IQCE: variants seen among roughly 807,000 people sequenced by gnomAD.
IQCE encodes the protein IQ domain-containing protein E.
In IQCE, 115 loss-of-function variants were observed where a neutral mutation model predicts 96.0. That is an observed-to-expected ratio of 1.20 (90% CI 1.03 to 1.40). IQCE has a LOEUF of 1.40. Among genes scored for constraint, IQCE ranks in the 40% most tolerant of loss-of-function variants. The pLI, the probability that IQCE is intolerant of heterozygous loss-of-function variation, is 0.00. For missense variants in IQCE, 1,041 were observed against 909.1 expected (o/e 1.15, Z -1.87); for synonymous variants, 412 against 371.2 (o/e 1.11, Z -1.26).
At chr7:2,574,439 GAGA>G (rs1781975032) in intron 6 of IQCE, among the ~76,000 whole-genome samples, 1 of 152,246 alleles carries the variant, frequency 6.6e-6, no homozygotes, top group African/African-American at 2.4e-5. Flanking sequence ...GAGGCTGTGT[GAGA>G]AGAACGCTCT....
intron 14 of IQCE, among the ~76,000 whole-genome samples, chr7:2,592,502 C>G (rs1439265017): frequency 6.6e-6 from 1 of 152,160 alleles, no homozygotes; most frequent in Admixed American, 6.5e-5. Context: ...CCTGAGCAGT[C>G]GGGGCTCGCA....
chr7:2,595,076 A>T (rs982680205), intron 16 of IQCE, 100 bp downstream of exon 16: 2 of 801,224 alleles, frequency 2.5e-6, no homozygotes, highest in Admixed American at 1.8e-5. Context: ...CTGACCAGCC[A>T]CTGAAAATCC....
Position 2,587,856 on chromosome 7 carries a change from G to T in IQCE, c.1023G>T (p.Arg341Ser), listed in dbSNP as rs930684084. The change falls in exon 13 of 22, where the codon AGG (arginine) becomes AGT (serine). Residue 341 changes from arginine to serine, a missense_variant. By Grantham distance (110) the Arg-to-Ser change is moderately radical. Transcript: ENST00000402050. ...YVEWSKPRLL[R>S]RIVELEKKLS... ...AGTGGAGCAAGCCCCGGCTGCTGAG[G>T]CGCATTGTGGAGCTGGAGAAGGTGA... 6.2e-7 allele frequency: 1 copy of T among 1,614,110 alleles called. No individual in the cohort carries two copies. Among genetic ancestry groups the T allele is most frequent in the Admixed American group, 1.7e-5 (1 of 60,028 alleles).
At chr7:2,578,570 G>A in intron 8 of IQCE, 44 bp downstream of exon 8, 2 of 1,605,094 alleles carry the variant, frequency 1.2e-6, no homozygotes, top group Middle Eastern at 3.3e-4. Context: ...CCAGACGCTA[G>A]TTACTGGGGA....
chr7:2,586,561 CAG>C (rs1256888562), intron 12 of IQCE, among the ~76,000 whole-genome samples, 190 bp downstream of exon 12: 2 of 152,348 alleles, frequency 1.3e-5, no homozygotes, highest in East Asian at 1.9e-4. Context: ...GAGCCGCAAA[CAG>C]AAGCTCACAG....
At position 2,559,113 on chromosome 7, in the gene IQCE, G is replaced by C; in HGVS notation, c.-69G>C. 1 of 1,055,370 alleles carries C rather than the reference G, an allele frequency of 9.5e-7. No homozygotes were observed. The allele number at this position is 1,055,370 out of a possible 1,614,324, so 65.4% of individuals were successfully genotyped here. On this transcript the variant is annotated 5_prime_UTR_variant, in exon 1 of 22. Transcript: ENST00000402050. ...CCCGAGGCTGCGGGCGGCCAGGGCT[G>C]CCCGCGGATTCCCAGACCCGGACGC...
chr7:2,601,876 A>G (rs1784458937), intron 18 of IQCE: 1 of 202,478 alleles, frequency 4.9e-6, no homozygotes, highest in Non-Finnish European at 9.9e-6. Context: ...AAACCAAACC[A>G]GACCCCAACG....
chr7:2,568,800 C>T (rs1020288640), intron 2 of IQCE, among the ~76,000 whole-genome samples, 154 bp from the exon 3 acceptor site: 3 of 152,310 alleles, frequency 2.0e-5, no homozygotes, highest in Admixed American at 6.5e-5. Flanking sequence ...TCGGGCCCTG[C>T]GTGTCCTGTT....
intron 1 of IQCE, among the ~76,000 whole-genome samples, chr7:2,561,699 G>T (rs1259760324): frequency 2.6e-5 from 4 of 152,144 alleles, no homozygotes; most frequent in African/African-American, 4.8e-5. Flanking sequence ...GGGATTACTG[G>T]CCTGAGCCAC....
intron 21 of IQCE, among the ~76,000 whole-genome samples, chr7:2,608,184 G>C (rs1185018086): frequency 6.6e-6 from 1 of 152,206 alleles, no homozygotes; most frequent in Non-Finnish European, 1.5e-5. Context: ...GGAGCCGGCA[G>C]CCCCCCAGTA....
intron 9 of IQCE, 80 bp downstream of exon 9, chr7:2,582,730 C>G (rs1390710188): frequency 1.4e-5 from 18 of 1,282,984 alleles, no homozygotes; most frequent in Non-Finnish European, 1.9e-5. Context: ...GTTCCTCCCC[C>G]ACCCCGTCCT....
chr7:2,597,013 T>A (rs758753770), intron 16 of IQCE: 9 of 471,148 alleles, frequency 1.9e-5, no homozygotes, highest in African/African-American at 1.2e-4. Flanking sequence ...CACTCCCAGG[T>A]CCCTAGAAAC....
chr7:2,591,560 G>A (rs1427171570), intron 14 of IQCE, among the ~76,000 whole-genome samples: 1 of 151,772 alleles, frequency 6.6e-6, no homozygotes, highest in Non-Finnish European at 1.5e-5. Flanking sequence ...TGCAGCCACC[G>A]AGGCCCTACC....
At chr7:2,607,695 T>G in intron 21 of IQCE, 1 of 305,022 alleles carries the variant, frequency 3.3e-6, no homozygotes, top group Non-Finnish European at 5.1e-6. Flanking sequence ...TGCCTTTCTC[T>G]GGCCGTCAGT....
At chr7:2,603,229 C>T (rs910645646) in intron 18 of IQCE, among the ~76,000 whole-genome samples, 3 of 152,202 alleles carry the variant, frequency 2.0e-5, no homozygotes, top group African/African-American at 4.8e-5. Flanking sequence ...CCCAGGCTCC[C>T]GGTCCCCACA....
chr7:2,598,522 C>A lies in IQCE; in HGVS notation c.1498C>A (p.Pro500Thr). The change falls in exon 17 of 22, where the codon CCG becomes ACG. Residue 500 changes from proline (P) to threonine (T), a missense_variant. Coordinates refer to ENST00000402050, the MANE Select transcript of IQCE (RefSeq NM_152558.5). ...SSRHCEQDWP[P>T]DSSEEGLPRP... ...CAGGCACTGCGAGCAAGACTGGCCG[C>A]CGGATTCCAGCGAGGAGGGGCTCCC... 2.5e-6 allele frequency: 4 copies of A among 1,611,298 alleles called. No homozygotes were observed. Among genetic ancestry groups the A allele is most frequent in the Non-Finnish European group, 3.4e-6 (4 of 1,178,866 alleles).
At chr7:2,589,829 A>T in intron 13 of IQCE, 78 bp from the exon 14 acceptor site, 1 of 1,418,606 alleles carries the variant, frequency 7.0e-7, no homozygotes, top group East Asian at 2.3e-5. Context: ...GCCCTGGTTC[A>T]GTGTCTCTTT....
intron 19 of IQCE, among the ~76,000 whole-genome samples, chr7:2,605,384 G>T (rs564529197): frequency 6.6e-6 from 1 of 152,280 alleles, no homozygotes; most frequent in East Asian, 1.9e-4. Flanking sequence ...ACTTTTGGAG[G>T]CCGAGGCAGG....
Position 2,593,048 on chromosome 7 carries a change from C to T in IQCE, c.1271C>T (p.Ala424Val), listed in dbSNP as rs200474974. The T allele has an allele frequency of 9.7e-5, 156 of 1,609,624 alleles. 1 individual carries two copies. The South Asian group carries it at 1.2e-3, about 12-fold the overall frequency. The change falls in exon 15 of 22, where the codon GCG (alanine) becomes GTG (valine). Residue 424 changes from alanine to valine, a missense_variant. By Grantham distance (64) the Ala-to-Val change is moderately conservative. Coordinates refer to ENST00000402050, the MANE Select transcript of IQCE (RefSeq NM_152558.5). ...RDLEVKQLLQ[A>V]KADLEKELEC... ...TTGGAGGTGAAGCAGCTCCTGCAGG[C>T]GAAGGCCGACCTGGAGAAGGAGCTG...
Sources: gnomAD v4.1 joint callset for allele counts (sites outside exome capture counted in the v4.1 genomes callset) on GRCh38, gnomAD v4.1.1 for gene constraint, MANE v1.5 for transcripts, NCBI Gene and HGNC (gene_info 2026-07-23, HGNC 2026-07-21) for gene names.